The following SBF2 variants were observed in gnomAD, a reference collection of about 807,000 sequenced individuals.
SBF2 encodes the protein SET binding factor 2, also known as myotubularin-related protein 13.
A neutral mutation model predicts 225.2 loss-of-function variants in SBF2; 112 were observed. The ratio of observed to expected loss-of-function variants is 0.50; its 90% confidence interval spans 0.43 to 0.58. SBF2 has a LOEUF of 0.58. SBF2 is among the 20% of genes least tolerant of loss of function. SBF2 has a pLI of 0.00. For synonymous variants in SBF2, 763 were observed against 773.3 expected, an observed-to-expected ratio of 0.99 and a Z score of 0.22; for missense variants, 1,996 against 2,206.2, an observed-to-expected ratio of 0.90 and a Z score of 1.91.
intron 2 of SBF2, among the ~76,000 whole-genome samples, chr11:10,064,505 C>G (rs893948805): frequency 6.6e-6 from 1 of 151,882 alleles, no homozygotes; most frequent in African/African-American, 2.4e-5. Context: ...TTTAAGACCA[C>G]GTAAAAAAGC....
At chr11:10,116,937 A>C (rs556883343) in intron 2 of SBF2, among the ~76,000 whole-genome samples, 2 of 152,344 alleles carry the variant, frequency 1.3e-5, no homozygotes, top group Admixed American at 1.3e-4. Flanking sequence ...ATTTATGTTG[A>C]ATATGGAAAA....
chr11:9,932,956 G>GAAAA (rs1590510467), intron 16 of SBF2, among the ~76,000 whole-genome samples: 1 of 5,374 alleles, frequency 1.9e-4, no homozygotes, highest in Non-Finnish European at 2.8e-4. Context: ...CAAACGAAAA[G>GAAAA]CAAAAAAAAA....
At chr11:10,150,553 A>G (rs1005296643) in intron 2 of SBF2, among the ~76,000 whole-genome samples, 2 of 152,168 alleles carry the variant, frequency 1.3e-5, no homozygotes, top group African/African-American at 2.4e-5. Flanking sequence ...ATCTATTTCA[A>G]AGAAAAAAAT....
At chr11:9,825,584 G>T (rs1180804413) in intron 28 of SBF2, among the ~76,000 whole-genome samples, 1 of 152,180 alleles carries the variant, frequency 6.6e-6, no homozygotes, top group African/African-American at 2.4e-5. Flanking sequence ...GGCAGGAAAA[G>T]AAAGTATCCA....
Position 9,812,516 on chromosome 11 carries a change from C to G in SBF2, c.4155+16G>C, listed in dbSNP as rs368470144. The G allele has an allele frequency of 1.4e-5, 22 of 1,613,816 alleles. No homozygotes were observed. In the African/African-American group the frequency reaches 2.8e-4, roughly 21 times the overall value. The stretch of plus-strand genomic sequence containing the variant: ...TTTCTTTGAGTTATAAAGAAAGAAG[C>G]TGCTTCAGACATTACCTGTGGGAAC... On this transcript the variant is annotated intron_variant, in intron 30 of 39. Coordinates refer to ENST00000256190, the MANE Select transcript of SBF2 (RefSeq NM_030962.4).
At chr11:10,001,099 TAA>T (rs1474769235) in intron 7 of SBF2, 77 bp from the exon 8 acceptor site, 4 of 772,274 alleles carry the variant, frequency 5.2e-6, no homozygotes, top group African/African-American at 1.7e-5. Context: ...TATGCTGTGT[TAA>T]GTTTTATATT....
chr11:10,148,211 G>A (rs568369770), intron 2 of SBF2, among the ~76,000 whole-genome samples: 141 of 152,172 alleles, frequency 9.3e-4, no homozygotes, highest in African/African-American at 3.2e-3. Flanking sequence ...TGGGGGTGGC[G>A]GTGAGCAGGA....
chr11:10,128,326 G>A (rs745970501), intron 2 of SBF2, among the ~76,000 whole-genome samples: 2 of 152,242 alleles, frequency 1.3e-5, no homozygotes, highest in South Asian at 2.1e-4. Context: ...AGTATACTGC[G>A]CACAAATTTG....
At chr11:10,152,962 G>C (rs1955287307) in intron 2 of SBF2, among the ~76,000 whole-genome samples, 1 of 152,186 alleles carries the variant, frequency 6.6e-6, no homozygotes, top group South Asian at 2.1e-4. Context: ...CTGAAATACA[G>C]AATGTTTGGG....
intron 1 of SBF2, among the ~76,000 whole-genome samples, chr11:10,301,492 C>A (rs913173056): frequency 6.6e-6 from 1 of 152,068 alleles, no homozygotes; most frequent in Non-Finnish European, 1.5e-5. Context: ...TTCAAGTGAA[C>A]TTTGTAAACA....
intron 16 of SBF2, among the ~76,000 whole-genome samples, chr11:9,922,770 T>C (rs1407696555): frequency 6.6e-6 from 1 of 152,094 alleles, no homozygotes; most frequent in Non-Finnish European, 1.5e-5. Context: ...TATTTCCCCC[T>C]CTTTCCACTT....
intron 17 of SBF2, among the ~76,000 whole-genome samples, chr11:9,865,279 T>C (rs1039633623): frequency 6.6e-6 from 1 of 152,124 alleles, no homozygotes; most frequent in African/African-American, 2.4e-5. Flanking sequence ...AAAAAATTAT[T>C]ATAACCAACC....
intron 2 of SBF2, among the ~76,000 whole-genome samples, chr11:10,179,435 T>G (rs1326365264): frequency 6.6e-6 from 1 of 151,908 alleles, no homozygotes; most frequent in Non-Finnish European, 1.5e-5. Context: ...CTTATTTTTG[T>G]CACCTAATGT....
At position 10,008,492 on chromosome 11, in the gene SBF2, G is replaced by T. The variant is rs370246816; in HGVS notation, c.620-5803C>A. Reference sequence around the variant, plus strand: ...CCAGAAGGAAGAAGAAAGGGCTCAGGAAAAGGAGAGGCAAACGGAAAAGTG... The same window carrying T: ...CCAGAAGGAAGAAGAAAGGGCTCAGTAAAAGGAGAGGCAAACGGAAAAGTG... On this transcript the variant is annotated intron_variant, in intron 6 of 39. Coordinates refer to ENST00000256190, the MANE Select transcript of SBF2 (RefSeq NM_030962.4). 3.3e-5 allele frequency among the ~76,000 whole-genome samples: 5 copies of T among 152,226 alleles called. 1 individual carries two copies. The South Asian group carries it at 1.0e-3, about 32-fold the overall frequency.
At chr11:10,230,810 G>T (rs542970326) in intron 1 of SBF2, among the ~76,000 whole-genome samples, 1 of 152,110 alleles carries the variant, frequency 6.6e-6, no homozygotes, top group South Asian at 2.1e-4. Context: ...TTCTCAAGGA[G>T]TATCTTTGTG....
Position 9,858,301 on chromosome 11 carries a change from A to G in SBF2, c.2025T>C (p.Asn675=). The change falls in exon 18 of 40, where the codon AAT becomes AAC. Residue 675 remains asparagine, a synonymous_variant. Coordinates refer to ENST00000256190, the MANE Select transcript of SBF2 (RefSeq NM_030962.4). ...NQQFWETTFY[N]AVQEQVRSLY... is the part of the protein sequence containing the mutation. ...GGGAGCGAACCTGTTCCTGCACTGC[A>G]TTGTAAAAGGTTGTCTCCCAAAATT... 1 of 1,614,192 alleles carries G rather than the reference A, an allele frequency of 6.2e-7. No individual in the cohort carries two copies. Among genetic ancestry groups the G allele is most frequent in the East Asian group, 2.2e-5 (1 of 44,890 alleles).
chr11:10,261,642 A>T (rs1199768923), intron 1 of SBF2, among the ~76,000 whole-genome samples: 1 of 152,220 alleles, frequency 6.6e-6, no homozygotes, highest in African/African-American at 2.4e-5. Context: ...ACCCAAAAGA[A>T]ATTAAAAACT....
At chr11:9,969,946 T>C (rs1163334335) in intron 13 of SBF2, among the ~76,000 whole-genome samples, 1 of 152,176 alleles carries the variant, frequency 6.6e-6, no homozygotes, top group Non-Finnish European at 1.5e-5. Flanking sequence ...ATTGCAAGAA[T>C]TGAATTAAAT....
At chr11:10,231,752 G>A (rs547416864) in intron 1 of SBF2, among the ~76,000 whole-genome samples, 2 of 152,206 alleles carry the variant, frequency 1.3e-5, no homozygotes, top group African/African-American at 4.8e-5. Flanking sequence ...CTACTCAGGG[G>A]TCAGGGACCC....
Sources: gnomAD v4.1 joint callset for allele counts (sites outside exome capture counted in the v4.1 genomes callset) on GRCh38, gnomAD v4.1.1 for gene constraint, MANE v1.5 for transcripts, NCBI Gene and HGNC (gene_info 2026-07-23, HGNC 2026-07-21) for gene names.